IQGAP3: variants seen among roughly 807,000 people sequenced by gnomAD.
IQGAP3 encodes ras GTPase-activating-like protein IQGAP3.
IQGAP3 carries 165 observed loss-of-function variants against 208.2 expected under a neutral mutation model. The ratio of observed to expected loss-of-function variants is 0.79; its 90% CI spans 0.70 to 0.90. The LOEUF (loss-of-function observed/expected upper bound fraction) is 0.90, where lower values mean the gene tolerates loss of function less well. IQGAP3 is among the 40% of genes least tolerant of loss of function. IQGAP3 has a pLI of 0.00. For missense variants in IQGAP3, 1,811 were observed against 2,043.1 expected, an observed-to-expected ratio of 0.89 and a Z score of 2.19; for synonymous variants, 703 against 803.6, an observed-to-expected ratio of 0.87 and a Z score of 2.12.
At chr1:156,552,117 G>C (rs540060171) in intron 13 of IQGAP3, 22 bp from the exon 14 acceptor site, 1 of 1,612,128 alleles carries the variant, frequency 6.2e-7, no homozygotes, top group Non-Finnish European at 8.5e-7. Flanking sequence ...GTGAAGGGCA[G>C]AGAGGTGAGT....
At position 156,548,761 on chromosome 1, in the gene IQGAP3, T is replaced by G. The variant is rs771560010; in HGVS notation, c.1826-13A>C. On this transcript the variant is annotated splice_polypyrimidine_tract_variant and intron_variant, in intron 16 of 37. Coordinates refer to ENST00000361170, the MANE Select transcript of IQGAP3 (RefSeq NM_178229.5). ...ACACCAAGAGCCACTGACAGGGGCA[T>G]CAGGAGAGAGCAGTCAATCCTTCCC... The G allele has an allele frequency of 1.1e-5, 17 of 1,553,306 alleles. No homozygotes were observed. Among genetic ancestry groups the G allele is most frequent in the Non-Finnish European group, 1.4e-5 (16 of 1,148,826 alleles).
intron 19 of IQGAP3, 77 bp downstream of exon 19, chr1:156,547,996 A>G (rs888941926): frequency 3.2e-5 from 42 of 1,326,428 alleles, no homozygotes; most frequent in Non-Finnish European, 4.0e-5. Context: ...CCATGTCAGT[A>G]AAAAGGAAGC....
chr1:156,556,935 T>TGTCATGGCAGAGGGTGA (rs1675848641), intron 11 of IQGAP3, among the ~76,000 whole-genome samples: 2 of 41,656 alleles, frequency 4.8e-5, no homozygotes, highest in African/African-American at 1.2e-4. Context: ...GCTCAGCCTC[T>TGTCATGGCAGAGGGTGA]GCCCCGCCGC....
chr1:156,564,546 TTTG>T (rs547356532), intron 5 of IQGAP3, 66 bp downstream of exon 5: 23 of 993,618 alleles, frequency 2.3e-5, no homozygotes, highest in Admixed American at 2.0e-4. Context: ...TCTTGCTGAG[TTTG>T]TTGTTGTTGA....
chr1:156,549,975 G>A (rs904527746), intron 16 of IQGAP3, among the ~76,000 whole-genome samples: 1 of 152,340 alleles, frequency 6.6e-6, no homozygotes. Flanking sequence ...ACTACCGCAT[G>A]ATCTCACATG....
In IQGAP3 at chr1:156,562,027, A is replaced by C. The variant is rs774606136; in HGVS notation, c.878-26T>G. The C allele has an allele frequency of 3.2e-6, 5 of 1,576,490 alleles. No homozygotes were observed. The East Asian group carries it at 9.0e-5, about 28-fold the overall frequency. On this transcript the variant is annotated intron_variant, in intron 9 of 37. Coordinates refer to ENST00000361170, the MANE Select transcript of IQGAP3 (RefSeq NM_178229.5). ...CTGAAAAAAAATGACTCCATAATGG[A>C]CAGTGTGAGAAAGCCACCTCTCATA...
intron 34 of IQGAP3, 138 bp from the exon 35 acceptor site, chr1:156,529,220 ATCT>A: frequency 1.1e-6 from 1 of 922,122 alleles, no homozygotes; most frequent in Non-Finnish European, 1.7e-6. Flanking sequence ...TAGAAGGAAA[ATCT>A]CAAGGATGGT....
At position 156,540,736 on chromosome 1, in the gene IQGAP3, AG is replaced by A. The variant is rs1194129403; in HGVS notation, c.2710del (p.Leu904CysfsTer3). ...DLNIMDIKIGLLVKNRITLQE... is the reference protein window; with the variant it reads ...DLNIMDIKIGXLVKNRITLQE... ...CAGAGTGATCCGGTTCTTCACCAGC[AG>A]GCCAATCTTGATGTCCATGATGTTG... On this transcript the variant is annotated frameshift_variant, in exon 23 of 38. Coordinates refer to ENST00000361170, the MANE Select transcript of IQGAP3 (RefSeq NM_178229.5). LOFTEE classifies it high-confidence loss of function. 1 of 1,614,132 alleles carries A rather than the reference AG, an allele frequency of 6.2e-7. No homozygotes were observed. Among genetic ancestry groups the A allele is most frequent in the East Asian group, 2.2e-5 (1 of 44,872 alleles).
chr1:156,561,180 T>C (rs1488588748), intron 10 of IQGAP3, among the ~76,000 whole-genome samples, 159 bp from the exon 11 acceptor site: 1 of 152,056 alleles, frequency 6.6e-6, no homozygotes, highest in Non-Finnish European at 1.5e-5. Flanking sequence ...ACCGTTTTTT[T>C]TTTTTTAAGA....
intron 2 of IQGAP3, among the ~76,000 whole-genome samples, chr1:156,568,756 A>G (rs1676513905): frequency 6.6e-6 from 1 of 152,224 alleles, no homozygotes; most frequent in African/African-American, 2.4e-5. Flanking sequence ...ACCCAAATCT[A>G]ATTAAGCCAA....
At position 156,552,107 on chromosome 1, in the gene IQGAP3, G is replaced by T. The variant is rs781079357; in HGVS notation, c.1449-12C>A. 4 of 1,613,386 alleles carry T rather than the reference G, an allele frequency of 2.5e-6. No individual in the cohort carries two copies. ...GGGCATCGAAGTAACTGGCAGTGGG[G>T]TGAAGGGCAGAGAGGTGAGTAGCAT... On this transcript the variant is annotated splice_polypyrimidine_tract_variant and intron_variant, in intron 13 of 37. Transcript: ENST00000361170.
At chr1:156,531,363 A>C (rs1004564448) in intron 32 of IQGAP3, 116 bp from the exon 33 acceptor site, 10 of 765,778 alleles carry the variant, frequency 1.3e-5, no homozygotes, top group Admixed American at 7.5e-5. Context: ...GGCTGCTAGG[A>C]TATAAGGAGA....
Position 156,535,071 on chromosome 1 carries a change from G to A in IQGAP3, c.3507+92C>T, listed in dbSNP as rs1216050796. On this transcript the variant is annotated intron_variant, in intron 28 of 37. Coordinates refer to ENST00000361170, the MANE Select transcript of IQGAP3 (RefSeq NM_178229.5). ...CCCTCCTTGGATTTTTATGGCATAGGATTTTTTGTGTTTTTGTCTCAGTCT... is the reference window on the plus strand; with the variant it reads ...CCCTCCTTGGATTTTTATGGCATAGAATTTTTTGTGTTTTTGTCTCAGTCT... 10 of 959,172 alleles carry A rather than the reference G, an allele frequency of 1.0e-5. No homozygotes were observed. The Admixed American group carries it at 1.3e-4, about 12-fold the overall frequency. 59.4% of individuals were successfully genotyped at this position (959,172 alleles called of 1,614,324 possible).
chr1:156,563,356 C>T, intron 7 of IQGAP3, 44 bp from the exon 8 acceptor site: 5 of 1,543,780 alleles, frequency 3.2e-6, no homozygotes, highest in Non-Finnish European at 4.4e-6. Context: ...CAGAGTGAAT[C>T]CCAGATTGGA....
At chr1:156,568,623 A>G (rs1317799859) in intron 2 of IQGAP3, among the ~76,000 whole-genome samples, 1 of 152,204 alleles carries the variant, frequency 6.6e-6, no homozygotes, top group African/African-American at 2.4e-5. Flanking sequence ...CCCAGGTTCA[A>G]GCAATCCTCC....
chr1:156,568,877 C>T (rs967429714), intron 2 of IQGAP3, among the ~76,000 whole-genome samples: 13 of 121,720 alleles, frequency 1.1e-4, no homozygotes, highest in African/African-American at 4.0e-4. Context: ...GAAATAGAGA[C>T]AAAATGTAGG....
At chr1:156,547,416 C>CACAG (rs1553225671) in intron 19 of IQGAP3, among the ~76,000 whole-genome samples, 1 of 151,510 alleles carries the variant, frequency 6.6e-6, no homozygotes, top group Non-Finnish European at 1.5e-5. Flanking sequence ...CACACACACA[C>CACAG]ACACACACAG....
intron 36 of IQGAP3, 42 bp downstream of exon 36, chr1:156,528,467 G>T: frequency 1.4e-6 from 2 of 1,469,280 alleles, no homozygotes; most frequent in Non-Finnish European, 1.9e-6. Context: ...CCAGGTTAGA[G>T]GACAGGAAGG....
intron 13 of IQGAP3, 28 bp from the exon 14 acceptor site, chr1:156,552,123 T>C (rs1161028362): frequency 6.2e-7 from 1 of 1,608,254 alleles, no homozygotes; most frequent in East Asian, 2.2e-5. Context: ...GGCAGAGAGG[T>C]GAGTAGCATG....
Sources: allele counts gnomAD v4.1 joint callset (sites outside exome capture counted in the v4.1 genomes callset), GRCh38; gene constraint gnomAD v4.1.1; transcripts MANE v1.5; gene names NCBI Gene and HGNC (gene_info 2026-07-23, HGNC 2026-07-21).